Variants in BABAM2 observed in about 807,000 individuals in gnomAD.
BABAM2 encodes the protein BRISC and BRCA1-A complex member 2.
In BABAM2, 31 loss-of-function variants were observed where a neutral mutation model predicts 54.7. That is an observed-to-expected ratio of 0.57 (90% CI 0.43 to 0.77). BABAM2 has a LOEUF of 0.77. Among genes scored for constraint, BABAM2 ranks in the 30% least tolerant of loss-of-function variants. The pLI, the probability that BABAM2 is intolerant of heterozygous loss-of-function variation, is 0.00. For missense variants in BABAM2, 364 were observed against 455.8 expected (o/e 0.80, Z 1.83); for synonymous variants, 167 against 162.9 (o/e 1.03, Z -0.19).
rs569091083 is a variant in BABAM2, at chr2:27,926,666, A to G, written c.129-3166A>G. ...CTTCCCTCACTAGAATTTAAGTACC[A>G]TGAGACGGTAGATCTTCTCTGTCTC... On this transcript the variant is annotated intron_variant, in intron 2 of 11. Coordinates refer to ENST00000379624, the MANE Select transcript of BABAM2 (RefSeq NM_199191.3). Among the ~76,000 whole-genome samples, 5 of 152,192 alleles carry G rather than the reference A, an allele frequency of 3.3e-5. No individual in the cohort carries two copies. The South Asian group carries it at 6.2e-4, about 19-fold the overall frequency.
intron 10 of BABAM2, 89 bp downstream of exon 10, chr2:28,244,951 C>A (rs1682780920): frequency 1.8e-6 from 2 of 1,102,544 alleles, no homozygotes; most frequent in South Asian, 1.4e-5. Flanking sequence ...CCTTTTCTGT[C>A]CTGTCTCGGT....
chr2:28,249,871 G>A (rs1683282061), intron 10 of BABAM2, among the ~76,000 whole-genome samples: 1 of 151,960 alleles, frequency 6.6e-6, no homozygotes, highest in African/African-American at 2.4e-5. Flanking sequence ...GGGCTCAAGG[G>A]ATCCACCTGC....
Position 28,147,612 on chromosome 2 carries a change from T to C in BABAM2, c.680+18232T>C, listed in dbSNP as rs369047971. Among the ~76,000 whole-genome samples the C allele has an allele frequency of 9.2e-5, 14 of 152,158 alleles. No individual in the cohort carries two copies. The East Asian group carries it at 1.2e-3, about 13-fold the overall frequency. On this transcript the variant is annotated intron_variant, in intron 7 of 11. Coordinates refer to ENST00000379624, the MANE Select transcript of BABAM2 (RefSeq NM_199191.3). The stretch of plus-strand genomic sequence containing the variant: ...CCTCAGCCTCCCGAGTAGCTGGGAC[T>C]ACAGGCGCCCGCCACCACGCCCGGC...
chr2:27,945,581 G>A (rs1669241403), intron 3 of BABAM2, among the ~76,000 whole-genome samples: 1 of 152,158 alleles, frequency 6.6e-6, no homozygotes, highest in Non-Finnish European at 1.5e-5. Context: ...ATTGTTTACA[G>A]AAATCCTGCT....
chr2:28,302,128 G>A (rs142068794), intron 11 of BABAM2, among the ~76,000 whole-genome samples: 27 of 152,196 alleles, frequency 1.8e-4, no homozygotes, highest in African/African-American at 5.5e-4. Flanking sequence ...AGATTTAGCT[G>A]TTATGGTGGC....
chr2:27,998,961 C>G (rs1002458074), intron 4 of BABAM2, among the ~76,000 whole-genome samples: 17 of 152,150 alleles, frequency 1.1e-4, no homozygotes, highest in Admixed American at 2.6e-4. Flanking sequence ...AGAATCAGGA[C>G]TTAGACATTA....
intron 10 of BABAM2, among the ~76,000 whole-genome samples, chr2:28,251,739 C>A (rs754655358): frequency 6.6e-5 from 10 of 152,068 alleles, no homozygotes; most frequent in African/African-American, 1.9e-4. Context: ...AAAAGCAAAT[C>A]GGAATCAGTA....
At chr2:27,992,629 A>T (rs2148494894) in intron 4 of BABAM2, among the ~76,000 whole-genome samples, 1 of 152,344 alleles carries the variant, frequency 6.6e-6, no homozygotes, top group African/African-American at 2.4e-5. Context: ...CTCCATTGTA[A>T]TAAAAAAGGA....
intron 2 of BABAM2, among the ~76,000 whole-genome samples, chr2:27,914,718 G>A (rs1192630748): frequency 6.6e-6 from 1 of 152,112 alleles, no homozygotes; most frequent in Non-Finnish European, 1.5e-5. Flanking sequence ...TGGAACAAAA[G>A]TACACGTCAT....
chr2:28,186,719 G>A (rs1397538247), intron 7 of BABAM2, among the ~76,000 whole-genome samples: 2 of 152,066 alleles, frequency 1.3e-5, no homozygotes, highest in African/African-American at 4.8e-5. Context: ...GCAAGGCAAG[G>A]CAATTGAAAC....
At chr2:28,048,284 GC>G (rs1419541207) in intron 6 of BABAM2, among the ~76,000 whole-genome samples, 1 of 152,072 alleles carries the variant, frequency 6.6e-6, no homozygotes, top group Non-Finnish European at 1.5e-5. Context: ...TGCCTGTTTT[GC>G]CCACTAATAG....
chr2:28,112,151 C>CTTTCTTTCTTTCTTTCTTTCT (rs1261759583), intron 6 of BABAM2, among the ~76,000 whole-genome samples: 1 of 19,606 alleles, frequency 5.1e-5, no homozygotes, highest in Non-Finnish European at 8.8e-5. Flanking sequence ...CTTTCTTTAC[C>CTTTCTTTCTTTCTTTCTTTCT]TCCCTCCCTC....
At chr2:28,291,676 G>A (rs1428724975) in intron 10 of BABAM2, among the ~76,000 whole-genome samples, 2 of 152,094 alleles carry the variant, frequency 1.3e-5, no homozygotes, top group Non-Finnish European at 2.9e-5. Flanking sequence ...TAGAACACAT[G>A]TAACAAAATC....
chr2:28,070,687 T>C (rs1573517817), intron 6 of BABAM2, among the ~76,000 whole-genome samples: 1 of 152,114 alleles, frequency 6.6e-6, no homozygotes, highest in East Asian at 1.9e-4. Flanking sequence ...GTTGAAGTAC[T>C]TTTCTTATCA....
chr2:27,929,690 A>G (rs968193035), intron 2 of BABAM2, 142 bp from the exon 3 acceptor site: 1 of 671,262 alleles, frequency 1.5e-6, no homozygotes, highest in Non-Finnish European at 2.4e-6. Context: ...TGACTATTAA[A>G]GGCTTTTATT....
intron 4 of BABAM2, among the ~76,000 whole-genome samples, chr2:28,000,548 A>G (rs891146281): frequency 1.3e-5 from 2 of 151,676 alleles, no homozygotes; most frequent in Admixed American, 6.6e-5. Flanking sequence ...CTGTAAAGCT[A>G]CTCTTTCTTT....
At chr2:28,027,410 C>T (rs915792051) in intron 5 of BABAM2, among the ~76,000 whole-genome samples, 3 of 152,150 alleles carry the variant, frequency 2.0e-5, no homozygotes, top group African/African-American at 7.2e-5. Flanking sequence ...CACCATTATC[C>T]AGTTTTAGAA....
At chr2:28,093,052 C>T (rs1666296137) in intron 6 of BABAM2, among the ~76,000 whole-genome samples, 1 of 151,972 alleles carries the variant, frequency 6.6e-6, no homozygotes, top group South Asian at 2.1e-4. Flanking sequence ...GTACTTTTCC[C>T]CTATTACATT....
chr2:27,922,133 G>A (rs1467615671), intron 2 of BABAM2, among the ~76,000 whole-genome samples: 2 of 152,210 alleles, frequency 1.3e-5, no homozygotes, highest in Non-Finnish European at 2.9e-5. Context: ...CAGAGTGCCA[G>A]TGAGACCCTT....
Sources: gnomAD v4.1 joint callset for allele counts (sites outside exome capture counted in the v4.1 genomes callset) on GRCh38, gnomAD v4.1.1 for gene constraint, MANE v1.5 for transcripts, NCBI Gene and HGNC (gene_info 2026-07-23, HGNC 2026-07-21) for gene names.